DLG2: variants seen among roughly 807,000 people sequenced by gnomAD.
DLG2 encodes discs large MAGUK scaffold protein 2.
Under a neutral mutation model 132.5 loss-of-function variants are expected in DLG2, and 45 were observed. That is an observed-to-expected ratio of 0.34 (90% confidence interval 0.27 to 0.44). The LOEUF (loss-of-function observed/expected upper bound fraction) is 0.44, where lower values mean the gene tolerates loss of function less well. Among genes scored for constraint, DLG2 ranks in the 20% least tolerant of loss-of-function variants. The pLI is 1.00. For missense variants in DLG2, 1,045 were observed against 1,196.9 expected, an observed-to-expected ratio of 0.87 and a Z score of 1.87; for synonymous variants, 424 against 419.6, an observed-to-expected ratio of 1.01 and a Z score of -0.13.
At chr11:84,904,490 G>C (rs2091278241) in intron 6 of DLG2, among the ~76,000 whole-genome samples, 1 of 152,012 alleles carries the variant, frequency 6.6e-6, no homozygotes, top group Non-Finnish European at 1.5e-5. Flanking sequence ...AGACTATACT[G>C]TTTCCTAAAT....
intron 6 of DLG2, among the ~76,000 whole-genome samples, chr11:84,568,884 T>A (rs1417616042): frequency 6.6e-6 from 1 of 152,162 alleles, no homozygotes; most frequent in Non-Finnish European, 1.5e-5. Context: ...TGGGAGGCAA[T>A]CTTTAATTGT....
chr11:85,461,226 C>T (rs781448908), intron 3 of DLG2, among the ~76,000 whole-genome samples: 1 of 152,214 alleles, frequency 6.6e-6, no homozygotes, highest in African/African-American at 2.4e-5. Flanking sequence ...CTCTTCTCAT[C>T]ACTTTTCCTC....
At chr11:84,219,177 T>C (rs2096880350) in intron 8 of DLG2, among the ~76,000 whole-genome samples, 1 of 152,244 alleles carries the variant, frequency 6.6e-6, no homozygotes, top group Admixed American at 6.5e-5. Flanking sequence ...TACTAAGATA[T>C]GCATTTCCTC....
chr11:84,065,607 AT>A (rs1458671069), intron 10 of DLG2, among the ~76,000 whole-genome samples: 3 of 152,192 alleles, frequency 2.0e-5, no homozygotes, highest in African/African-American at 7.2e-5. Flanking sequence ...AATGCTTATA[AT>A]TGTTGGTGGG....
At chr11:84,450,903 A>C (rs2099049738) in intron 7 of DLG2, among the ~76,000 whole-genome samples, 1 of 151,848 alleles carries the variant, frequency 6.6e-6, no homozygotes, top group Non-Finnish European at 1.5e-5. Context: ...GAGTTATTTA[A>C]TTCATGCTTG....
chr11:83,751,335 G>A (rs1249479171), intron 18 of DLG2, among the ~76,000 whole-genome samples: 1 of 152,112 alleles, frequency 6.6e-6, no homozygotes, highest in East Asian at 1.9e-4. Flanking sequence ...AGAGTAAATG[G>A]GAAATGGGAG....
chr11:84,617,592 C>T (rs749403703), intron 6 of DLG2, among the ~76,000 whole-genome samples: 9 of 152,216 alleles, frequency 5.9e-5, no homozygotes, highest in East Asian at 5.8e-4. Context: ...CTAATTTACA[C>T]GCCCACCAAA....
At chr11:84,965,147 C>A (rs1184624774) in intron 6 of DLG2, among the ~76,000 whole-genome samples, 1 of 152,092 alleles carries the variant, frequency 6.6e-6, no homozygotes. Context: ...GGACAAACTG[C>A]AAGTTTTCCC....
chr11:85,031,383 A>C lies in DLG2; in HGVS notation c.357+80278T>G, dbSNP rs191419439. Among the ~76,000 whole-genome samples the C allele has an allele frequency of 4.0e-5, 5 of 125,104 alleles. No individual in the cohort carries two copies. The East Asian group carries it at 9.7e-4, about 24-fold the overall frequency. 82.1% of individuals were successfully genotyped at this position (125,104 alleles called of 152,430 possible). A position where few individuals can be genotyped will look rare whatever the true frequency, so the allele number is the denominator to read the frequency against. ...TATTTTTAGACTAATTTGAGAGCCT[A>C]TCTTTTTATAATAGTCATCCCACTC... is the stretch of plus-strand genomic sequence containing the variant. On this transcript the variant is annotated intron_variant, in intron 6 of 27. Coordinates refer to ENST00000376104, the MANE Select transcript of DLG2 (RefSeq NM_001142699.3).
At chr11:84,933,320 T>C (rs1195311897) in intron 6 of DLG2, among the ~76,000 whole-genome samples, 3 of 152,170 alleles carry the variant, frequency 2.0e-5, no homozygotes, top group Non-Finnish European at 4.4e-5. Flanking sequence ...AGCTCTGCTC[T>C]TTTCGCTTAG....
chr11:84,848,371 G>A (rs1295791586), intron 6 of DLG2, among the ~76,000 whole-genome samples: 1 of 152,054 alleles, frequency 6.6e-6, no homozygotes, highest in African/African-American at 2.4e-5. Flanking sequence ...GTGCATGCCT[G>A]TAATCCCAGC....
rs2085988877 is a variant in DLG2, at chr11:85,382,683, T to C, written c.41-97318A>G. 2.0e-5 allele frequency among the ~76,000 whole-genome samples: 3 copies of C among 152,092 alleles called. No individual in the cohort carries two copies. In the South Asian group the frequency reaches 6.2e-4, roughly 32 times the overall value. ...TCAATTTATTAAATGGGCAAATATT[T>C]GAACGGACAATTTGCCAGAGCAAAT... On this transcript the variant is annotated intron_variant, in intron 3 of 27. Transcript: ENST00000376104.
chr11:83,693,975 A>G (rs2081435784), intron 18 of DLG2, among the ~76,000 whole-genome samples: 1 of 152,198 alleles, frequency 6.6e-6, no homozygotes, highest in Non-Finnish European at 1.5e-5. Context: ...GTACAGTCAG[A>G]TCTTATAAAA....
chr11:85,210,802 A>G (rs2082204823), intron 4 of DLG2, among the ~76,000 whole-genome samples: 1 of 152,032 alleles, frequency 6.6e-6, no homozygotes, highest in African/African-American at 2.4e-5. Context: ...CTTAGCTGAA[A>G]CTTCTTTAAA....
At chr11:83,656,741 A>G (rs1219999500) in intron 18 of DLG2, among the ~76,000 whole-genome samples, 2 of 152,308 alleles carry the variant, frequency 1.3e-5, no homozygotes, top group African/African-American at 2.4e-5. Flanking sequence ...TGTACTTTAG[A>G]TATCACTAAT....
At chr11:84,221,316 T>G (rs879600895) in intron 8 of DLG2, among the ~76,000 whole-genome samples, 1 of 151,714 alleles carries the variant, frequency 6.6e-6, no homozygotes, top group South Asian at 2.1e-4. Flanking sequence ...ATACAAAAAT[T>G]AGCCAGGCAT....
At chr11:83,531,410 C>G (rs986702208) in intron 21 of DLG2, among the ~76,000 whole-genome samples, 4 of 151,924 alleles carry the variant, frequency 2.6e-5, no homozygotes, top group Non-Finnish European at 4.4e-5. Flanking sequence ...AAAATATGCT[C>G]AATATCAACA....
intron 6 of DLG2, among the ~76,000 whole-genome samples, chr11:84,681,547 C>T (rs1247987629): frequency 2.0e-5 from 3 of 152,102 alleles, no homozygotes; most frequent in Non-Finnish European, 2.9e-5. Context: ...TCCAAGGTCT[C>T]TTAATGGCAG....
intron 3 of DLG2, among the ~76,000 whole-genome samples, chr11:85,556,766 A>G (rs1376972310): frequency 3.3e-5 from 5 of 151,802 alleles, no homozygotes; most frequent in East Asian, 1.9e-4. Flanking sequence ...ATGCCTCACA[A>G]TCTCACAGTA....
Sources: allele counts gnomAD v4.1 joint callset (sites outside exome capture counted in the v4.1 genomes callset), GRCh38; gene constraint gnomAD v4.1.1; transcripts MANE v1.5; gene names NCBI Gene and HGNC (gene_info 2026-07-23, HGNC 2026-07-21).